NDUFS4: variants seen among roughly 807,000 people sequenced by gnomAD.
The protein encoded by NDUFS4 is NADH:ubiquinone oxidoreductase subunit S4, also known as NADH dehydrogenase [ubiquinone] iron-sulfur protein 4, mitochondrial.
In NDUFS4, 28 loss-of-function variants were observed where a neutral mutation model predicts 24.3. That is an observed-to-expected ratio of 1.15 (90% CI 0.85 to 1.58). The LOEUF is 1.58. Among genes scored for constraint, NDUFS4 ranks in the 40% most tolerant of loss-of-function variants. The probability of loss-of-function intolerance (pLI) is 0.00; values close to 1 mark genes in which losing one functional copy is unlikely to be tolerated. For synonymous variants in NDUFS4, 93 were observed against 69.7 expected (o/e 1.34, Z -1.67); for missense variants, 223 against 207.9 (o/e 1.07, Z -0.45).
Position 53,680,995 on chromosome 5 carries a change from G to GTT in NDUFS4, c.425-2122_425-2121insTT, listed in dbSNP as rs1740646822. On this transcript the variant is annotated intron_variant, in intron 4 of 4. Coordinates refer to ENST00000296684, the MANE Select transcript of NDUFS4 (RefSeq NM_002495.4). ...GTCTCCCCTGTATACCCCATCTAAAGTGTTTTCTCCTAGGTTAGATTATAG... is the reference window on the plus strand; with the variant it reads ...GTCTCCCCTGTATACCCCATCTAAAGTTTGTTTTCTCCTAGGTTAGATTATAG... 4.0e-5 allele frequency among the ~76,000 whole-genome samples: 6 copies of GTT among 151,846 alleles called. 1 individual carries two copies. The highest frequency in any genetic ancestry group is 3.9e-4 in the Admixed American group (6 of 15,202).
intron 1 of NDUFS4, chr5:53,573,841 C>T (rs10471866): frequency 0.21 from 43,404 of 207,102 alleles, 5,693 homozygotes; most frequent in East Asian, 0.46. Flanking sequence ...ATCCTCCTTC[C>T]TCGGCCTCCC....
chr5:53,648,111 A>G (rs990162984), intron 3 of NDUFS4, among the ~76,000 whole-genome samples: 1 of 152,222 alleles, frequency 6.6e-6, no homozygotes. Context: ...ATTCTGCTTT[A>G]TCAAACCACC....
rs549448325 is a variant in NDUFS4 at position 53,585,847 on chromosome 5, G to GT, written c.99-17599dup. Among the ~76,000 whole-genome samples, 550 of 151,732 alleles carry GT rather than the reference G, an allele frequency of 3.6e-3. 4 individuals are homozygous for GT. Among genetic ancestry groups the GT allele is most frequent in the African/African-American group, 0.012 (500 of 41,454 alleles). On this transcript the variant is annotated intron_variant, in intron 1 of 4. Transcript: ENST00000296684. ...TGTCCTTTTGTGCTTTTATGCATAT[G>GT]TTTTTTGTTATGTTACATTTCTGAG...
At chr5:53,595,320 A>G (rs949717524) in intron 1 of NDUFS4, among the ~76,000 whole-genome samples, 1 of 152,172 alleles carries the variant, frequency 6.6e-6, no homozygotes, top group Non-Finnish European at 1.5e-5. Flanking sequence ...TTAATTTATA[A>G]GTTAATAATT....
intron 2 of NDUFS4, among the ~76,000 whole-genome samples, chr5:53,611,745 GT>G (rs1156751212): frequency 6.6e-6 from 1 of 152,020 alleles, no homozygotes; most frequent in Non-Finnish European, 1.5e-5. Context: ...CTTTGCCTTT[GT>G]GCTTTATTAT....
Position 53,658,608 on chromosome 5 carries a change from C to CT in NDUFS4, c.411dup (p.Ala138CysfsTer9). 6.2e-7 allele frequency: 1 copy of CT among 1,612,430 alleles called. No individual in the cohort carries two copies. The highest frequency in any genetic ancestry group is 8.5e-7 in the Non-Finnish European group (1 of 1,179,180). ...TCAGTACTAAAGAAGATGCAGTTTCCTTTGCAGAAAAAAATGGTATGTTTG... is the reference window on the plus strand; with the variant it reads ...TCAGTACTAAAGAAGATGCAGTTTCCTTTTGCAGAAAAAAATGGTATGTTTG... On this transcript the variant is annotated frameshift_variant, in exon 4 of 5. Transcript: ENST00000296684. LOFTEE classifies it high-confidence loss of function.
At chr5:53,676,404 A>C (rs1354735392) in intron 4 of NDUFS4, among the ~76,000 whole-genome samples, 2 of 152,206 alleles carry the variant, frequency 1.3e-5, no homozygotes, top group African/African-American at 4.8e-5. Context: ...TGACCAGTAC[A>C]TAACCTTGTT....
At chr5:53,616,158 T>G (rs915134352) in intron 2 of NDUFS4, among the ~76,000 whole-genome samples, 2 of 152,128 alleles carry the variant, frequency 1.3e-5, no homozygotes, top group African/African-American at 4.8e-5. Context: ...TCAAGATATT[T>G]TTTTACTTGT....
At chr5:53,629,060 G>A (rs1261455673) in intron 2 of NDUFS4, among the ~76,000 whole-genome samples, 5 of 152,180 alleles carry the variant, frequency 3.3e-5, no homozygotes, top group Non-Finnish European at 5.9e-5. Flanking sequence ...ATGTGTCCCA[G>A]AGATTCTGGT....
intron 2 of NDUFS4, among the ~76,000 whole-genome samples, chr5:53,633,249 G>A (rs1228427077): frequency 1.3e-5 from 2 of 152,144 alleles, no homozygotes; most frequent in Non-Finnish European, 2.9e-5. Flanking sequence ...TTCAAGACAT[G>A]GAACCCCACA....
At chr5:53,644,524 G>A (rs1329156874) in intron 2 of NDUFS4, among the ~76,000 whole-genome samples, 1 of 152,052 alleles carries the variant, frequency 6.6e-6, no homozygotes, top group African/African-American at 2.4e-5. Flanking sequence ...CCCAGGAGTT[G>A]AGCCACTTTA....
chr5:53,574,774 T>C (rs1749329749), intron 1 of NDUFS4, among the ~76,000 whole-genome samples: 1 of 152,216 alleles, frequency 6.6e-6, no homozygotes, highest in Non-Finnish European at 1.5e-5. Flanking sequence ...TTTTTTGTTA[T>C]TTATTTTTTG....
At chr5:53,573,709 C>T in intron 1 of NDUFS4, 1 of 333,250 alleles carries the variant, frequency 3.0e-6, no homozygotes, top group Non-Finnish European at 5.8e-6. Flanking sequence ...CCACCTCAGC[C>T]TCCCAGGCAG....
At chr5:53,572,279 T>C (rs1184995047) in intron 1 of NDUFS4, among the ~76,000 whole-genome samples, 1 of 152,170 alleles carries the variant, frequency 6.6e-6, no homozygotes, top group African/African-American at 2.4e-5. Flanking sequence ...GGAAGACACC[T>C]CTCACATGAG....
chr5:53,647,259 C>A (rs1579915670), intron 3 of NDUFS4, among the ~76,000 whole-genome samples: 1 of 152,000 alleles, frequency 6.6e-6, no homozygotes, highest in East Asian at 1.9e-4. Context: ...CTTGCCCAGG[C>A]TGGAGTGCAG....
At chr5:53,607,664 A>T (rs1750566179) in intron 2 of NDUFS4, among the ~76,000 whole-genome samples, 1 of 152,218 alleles carries the variant, frequency 6.6e-6, no homozygotes, top group African/African-American at 2.4e-5. Context: ...TTTAAAGTAC[A>T]AAATAGAGCA....
intron 2 of NDUFS4, among the ~76,000 whole-genome samples, chr5:53,608,803 T>C (rs1350924866): frequency 1.3e-5 from 2 of 152,240 alleles, no homozygotes; most frequent in Non-Finnish European, 2.9e-5. Context: ...TGAATCAATA[T>C]TTATTTCAGG....
At chr5:53,629,899 T>C (rs981020955) in intron 2 of NDUFS4, among the ~76,000 whole-genome samples, 1 of 152,230 alleles carries the variant, frequency 6.6e-6, no homozygotes, top group Non-Finnish European at 1.5e-5. Context: ...TATTGTTATG[T>C]GTGAATTTGA....
chr5:53,674,859 A>G (rs1348648624), intron 4 of NDUFS4, among the ~76,000 whole-genome samples: 1 of 152,156 alleles, frequency 6.6e-6, no homozygotes, highest in Non-Finnish European at 1.5e-5. Flanking sequence ...AAGTGGAATA[A>G]AAGTCTGTTT....
Sources: gnomAD v4.1 joint callset for allele counts (sites outside exome capture counted in the v4.1 genomes callset) on GRCh38, gnomAD v4.1.1 for gene constraint, MANE v1.5 for transcripts, NCBI Gene and HGNC (gene_info 2026-07-23, HGNC 2026-07-21) for gene names.